APOL3: variants seen among roughly 807,000 people sequenced by gnomAD.
APOL3 encodes the protein apolipoprotein L3, also known as TNF-inducible protein CG12-1.
In APOL3, 14 loss-of-function variants were observed where a neutral mutation model predicts 11.6. That is an observed-to-expected ratio of 1.21 (90% CI 0.80 to 1.89). The LOEUF (loss-of-function observed/expected upper bound fraction) is 1.89, where lower values mean the gene tolerates loss of function less well. Among genes scored for constraint, APOL3 ranks in the 40% most tolerant of loss-of-function variants. The pLI is 0.00. For synonymous variants in APOL3, 192 were observed against 190.6 expected (o/e 1.01, Z -0.06); for missense variants, 483 against 492.1 (o/e 0.98, Z 0.17).
intron 1 of APOL3, among the ~76,000 whole-genome samples, chr22:36,151,224 T>C (rs2060421488): frequency 6.6e-6 from 1 of 152,146 alleles, no homozygotes; most frequent in Non-Finnish European, 1.5e-5. Context: ...ATTTCATCAC[T>C]CTACAGGGAA....
intron 1 of APOL3, among the ~76,000 whole-genome samples, chr22:36,147,845 C>T (rs1005466568): frequency 2.6e-5 from 4 of 152,272 alleles, no homozygotes; most frequent in Middle Eastern, 3.4e-3. Flanking sequence ...AACAGGCCTT[C>T]AGAAAGGCTG....
At chr22:36,142,182 A>C (rs2060022629) in intron 2 of APOL3, 124 bp from the exon 4 acceptor site, 1 of 1,130,110 alleles carries the variant, frequency 8.8e-7, no homozygotes, top group Non-Finnish European at 1.2e-6. Context: ...ATAAAGCTTT[A>C]AATTTTAAAT....
upstream of APOL3, chr22:36,165,716 C>G (rs1380016058): frequency 6.6e-6 from 1 of 152,134 alleles, no homozygotes; most frequent in Non-Finnish European, 1.5e-5. Flanking sequence ...CCTTGGATGG[C>G]CACCACTTTT....
intron 1 of APOL3, chr22:36,149,680 G>A (rs2146813208): frequency 5.5e-6 from 2 of 366,468 alleles, no homozygotes; most frequent in Non-Finnish European, 1.1e-5. Context: ...TTCACAATAG[G>A]GGTAGAGCCA....
intron 1 of APOL3, 116 bp from the exon 3 acceptor site, chr22:36,145,715 T>A (rs1340580357): frequency 1.5e-6 from 2 of 1,311,344 alleles, no homozygotes; most frequent in Non-Finnish European, 2.1e-6. Context: ...TGGGGTATTT[T>A]TGATGGAGGC....
Position 36,156,824 on chromosome 22 carries a change from C to T in APOL3, c.223+3845G>A, listed in dbSNP as rs73883834. Reference sequence around the variant, plus strand: ...GGCAGGGACCCTGCGGTGTTCCCAGCTGCATCCCCTATGACTGACCTGGGT... The same window carrying T: ...GGCAGGGACCCTGCGGTGTTCCCAGTTGCATCCCCTATGACTGACCTGGGT... On this transcript the variant is annotated intron_variant, in intron 1 of 2. Coordinates refer to ENST00000349314, the Ensembl canonical transcript of APOL3. The T allele has an allele frequency of 4.1e-4, 159 of 392,292 alleles. 1 individual carries two copies. The highest frequency in any genetic ancestry group is 3.2e-3 in the African/African-American group (153 of 48,338). The allele number at this position is 392,292 out of a possible 1,614,324, so 24.3% of individuals were successfully genotyped here. A position where few individuals can be genotyped will look rare whatever the true frequency, so the allele number is the denominator to read the frequency against.
At chr22:36,160,456 G>C (rs1428180090) in intron 1 of APOL3, among the ~76,000 whole-genome samples, 1 of 152,204 alleles carries the variant, frequency 6.6e-6, no homozygotes, top group Non-Finnish European at 1.5e-5. Flanking sequence ...AGCTGATTCT[G>C]CCTCTGTCTC....
chr22:36,156,968 G>A (rs544994409), intron 1 of APOL3: 2 of 456,296 alleles, frequency 4.4e-6, no homozygotes, highest in East Asian at 1.4e-4. Context: ...TTTCAGTTGA[G>A]GGATTGAATG....
At chr22:36,163,233 C>T (rs1356795192), upstream of APOL3, among the ~76,000 whole-genome samples, 1 of 152,136 alleles carries the variant, frequency 6.6e-6, no homozygotes, top group African/African-American at 2.4e-5. Context: ...GGCATTTTGG[C>T]TGGATGCAAT....
intron 1 of APOL3, among the ~76,000 whole-genome samples, chr22:36,154,150 G>A (rs2012317901): frequency 6.6e-6 from 1 of 152,186 alleles, no homozygotes; most frequent in South Asian, 2.1e-4. Flanking sequence ...TGCCAGAGAG[G>A]CATAATGAAG....
chr22:36,156,835 A>G (rs1254747632), intron 1 of APOL3: 4 of 421,500 alleles, frequency 9.5e-6, no homozygotes, highest in African/African-American at 4.1e-5. Context: ...TGCATCCCCT[A>G]TGACTGACCT....
chr22:36,146,589 C>A (rs928478515), intron 1 of APOL3, among the ~76,000 whole-genome samples: 4 of 148,308 alleles, frequency 2.7e-5, no homozygotes, highest in African/African-American at 5.1e-5. Context: ...ATATATATAC[C>A]CTTATGTAAA....
At chr22:36,162,040 T>A (rs1416712034), upstream of APOL3, among the ~76,000 whole-genome samples, 2 of 152,190 alleles carry the variant, frequency 1.3e-5, no homozygotes, top group African/African-American at 4.8e-5. Context: ...TTTACCCACA[T>A]CCCGCATTCA....
At chr22:36,142,318 A>T (rs2060027553) in intron 2 of APOL3, among the ~76,000 whole-genome samples, 1 of 152,222 alleles carries the variant, frequency 6.6e-6, no homozygotes, top group Non-Finnish European at 1.5e-5. Flanking sequence ...AGTGGTAGGT[A>T]TTCGATAAAG....
At chr22:36,159,317 A>C (rs132651) in intron 1 of APOL3, 122,507 of 151,658 alleles carry the variant, frequency 0.81, 50,015 homozygotes, top group East Asian at 0.97. Flanking sequence ...CTAACCCCCT[A>C]AGGCAGGTGA....
intron 1 of APOL3, chr22:36,155,680 G>T: frequency 6.2e-6 from 1 of 162,554 alleles, no homozygotes; most frequent in South Asian, 1.8e-4. Context: ...AGCCAGCACA[G>T]AGCAGAGGAG....
intron 2 of APOL3, among the ~76,000 whole-genome samples, chr22:36,142,661 A>G (rs1303415270): frequency 6.6e-6 from 1 of 152,138 alleles, no homozygotes; most frequent in African/African-American, 2.4e-5. Context: ...ACTGGGAACT[A>G]AGGGTGTTAG....
chr22:36,141,772 C>T, exon 3 of APOL3: 2 of 1,614,198 alleles, frequency 1.2e-6, no homozygotes, highest in East Asian at 4.5e-5. Context: ...CTCGTCCCTG[C>T]TGTAAATGGT....
At chr22:36,143,033 A>C (rs1359073427) in intron 2 of APOL3, among the ~76,000 whole-genome samples, 1 of 152,220 alleles carries the variant, frequency 6.6e-6, no homozygotes, top group Non-Finnish European at 1.5e-5. Context: ...TGGTGTCTCC[A>C]GTCAGAACTG....
Sources: allele counts gnomAD v4.1 joint callset (sites outside exome capture counted in the v4.1 genomes callset), GRCh38; gene constraint gnomAD v4.1.1; transcripts MANE v1.5; gene names NCBI Gene and HGNC (gene_info 2026-07-23, HGNC 2026-07-21).